Variants in ABCB5 observed in about 807,000 individuals in gnomAD.
ABCB5 encodes ATP-binding cassette sub-family B member 5.
Under a neutral mutation model 144.2 loss-of-function variants are expected in ABCB5, and 155 were observed. The observed-to-expected ratio is 1.08, with a 90% CI of 0.94 to 1.23. The LOEUF (loss-of-function observed/expected upper bound fraction) is 1.23, where lower values mean the gene tolerates loss of function less well. ABCB5 is among the 50% of genes most tolerant of loss of function. The pLI is 0.00. For missense variants in ABCB5, 1,830 were observed against 1,520.8 expected (o/e 1.20, Z -3.38); for synonymous variants, 610 against 528.6 (o/e 1.15, Z -2.11).
At chr7:20,728,196 A>G in intron 22 of ABCB5, 119 bp from the exon 23 acceptor site, 1 of 1,257,614 alleles carries the variant, frequency 8.0e-7, no homozygotes, top group South Asian at 1.7e-5. Context: ...ATCATTCGAA[A>G]AATGCCTTTC....
chr7:20,621,499 C>G (rs79207698), intron 1 of ABCB5, among the ~76,000 whole-genome samples: 16,539 of 152,062 alleles, frequency 0.11, 1,209 homozygotes, highest in Non-Finnish European at 0.15. Flanking sequence ...AGTAAGACTA[C>G]GGTCTAGAGT....
chr7:20,654,955 A>T (rs1013878778), intron 13 of ABCB5, among the ~76,000 whole-genome samples: 42 of 152,168 alleles, frequency 2.8e-4, no homozygotes, highest in Admixed American at 4.6e-4. Context: ...AACAAGCAAG[A>T]CTAAGTAAAT....
At chr7:20,645,645 C>T (rs1426875151) in intron 7 of ABCB5, 111 bp from the exon 8 acceptor site, 5 of 1,337,562 alleles carry the variant, frequency 3.7e-6, no homozygotes, top group Non-Finnish European at 5.1e-6. Flanking sequence ...GAGATAAAGT[C>T]TAAAAAAATA....
At chr7:20,659,228 T>G (rs1784916175) in intron 14 of ABCB5, 3 of 1,570,286 alleles carry the variant, frequency 1.9e-6, no homozygotes, top group Admixed American at 3.6e-5. Context: ...GTTGTGGCCC[T>G]GCACCAAATT....
intron 27 of ABCB5, 115 bp from the exon 28 acceptor site, chr7:20,755,312 T>C: frequency 1.2e-6 from 1 of 842,620 alleles, no homozygotes; most frequent in Non-Finnish European, 1.9e-6. Flanking sequence ...GCAGTTCCTT[T>C]GGGGACAAGC....
At chr7:20,659,288 A>G in intron 14 of ABCB5, 1 of 1,451,894 alleles carries the variant, frequency 6.9e-7, no homozygotes, top group South Asian at 1.5e-5. Flanking sequence ...AAAACCATTG[A>G]ACAGTTTTCT....
rs554048713 is a variant in ABCB5, at chr7:20,694,258, A to G, written c.2011-4149A>G. Among the ~76,000 whole-genome samples, 8 of 152,174 alleles carry G rather than the reference A, an allele frequency of 5.3e-5. No individual in the cohort carries two copies. The South Asian group carries it at 1.7e-3, about 32-fold the overall frequency. ...TGTAACAAATCTAATCCAACCATAT[A>G]GAAAAAGAATAATATATCATCACCA... is the stretch of plus-strand genomic sequence containing the variant. On this transcript the variant is annotated intron_variant, in intron 16 of 27. Coordinates refer to ENST00000404938, the MANE Select transcript of ABCB5 (RefSeq NM_001163941.2).
intron 20 of ABCB5, among the ~76,000 whole-genome samples, chr7:20,718,863 G>A (rs1452279577): frequency 6.6e-6 from 1 of 152,088 alleles, no homozygotes; most frequent in Non-Finnish European, 1.5e-5. Context: ...ACCTTTTAAG[G>A]TGTAATTCCA....
intron 23 of ABCB5, among the ~76,000 whole-genome samples, chr7:20,733,101 A>C (rs1377684293): frequency 6.6e-6 from 1 of 152,180 alleles, no homozygotes; most frequent in African/African-American, 2.4e-5. Context: ...TAACTTGCTC[A>C]AAGTTACATA....
chr7:20,623,339 G>T lies in ABCB5; in HGVS notation c.53+1G>T. 6.5e-7 allele frequency: 1 copy of T among 1,548,180 alleles called. No individual in the cohort carries two copies. Among genetic ancestry groups the T allele is most frequent in the Non-Finnish European group, 8.7e-7 (1 of 1,143,282 alleles). The stretch of plus-strand genomic sequence containing the variant: ...TGCAAGAAAATTATCAGAGAAATGG[G>T]TAAGCTCTCACTAAGTTCTGTAAGT... On this transcript the variant is annotated splice_donor_variant, in intron 2 of 27. Transcript: ENST00000404938. LOFTEE classifies it high-confidence loss of function.
intron 4 of ABCB5, among the ~76,000 whole-genome samples, chr7:20,629,423 C>A (rs79469415): frequency 3.9e-5 from 6 of 152,148 alleles, no homozygotes; most frequent in Non-Finnish European, 2.9e-5. Context: ...TTTAATCAAA[C>A]GCTTGGGCCA....
At chr7:20,711,426 A>C (rs1787027428) in intron 20 of ABCB5, among the ~76,000 whole-genome samples, 1 of 147,500 alleles carries the variant, frequency 6.8e-6, no homozygotes, top group Non-Finnish European at 1.5e-5. Flanking sequence ...ACCAGTTATG[A>C]AATTTGAGGT....
In ABCB5 at chr7:20,626,464, G is replaced by A. The variant is rs1583375708; in HGVS notation, c.54-93G>A. 5 of 1,043,568 alleles carry A rather than the reference G, an allele frequency of 4.8e-6. No homozygotes were observed. The East Asian group carries it at 1.1e-4, about 23-fold the overall frequency. The allele number at this position is 1,043,568 out of a possible 1,614,324, so 64.6% of individuals were successfully genotyped here. Reference sequence around the variant, plus strand: ...GTGTTGGTATAAATTTGCTACCAAGGTGATATCTGACACTTCTGCAAACTA... The same window carrying A: ...GTGTTGGTATAAATTTGCTACCAAGATGATATCTGACACTTCTGCAAACTA... On this transcript the variant is annotated intron_variant, in intron 2 of 27. Transcript: ENST00000404938.
intron 13 of ABCB5, among the ~76,000 whole-genome samples, chr7:20,655,114 G>A (rs1411601440): frequency 6.6e-6 from 1 of 151,832 alleles, no homozygotes; most frequent in Non-Finnish European, 1.5e-5. Context: ...GAGATGGCCA[G>A]TATCAGGAAT....
rs186609579 is a variant in ABCB5, at chr7:20,695,502, G to A, written c.2011-2905G>A. Among the ~76,000 whole-genome samples the A allele has an allele frequency of 7.2e-4, 110 of 151,968 alleles. 1 individual carries two copies. The Middle Eastern group carries it at 0.01, about 14-fold the overall frequency. The stretch of plus-strand genomic sequence containing the variant: ...AATAAAAAAATCTTCACGACTTTGT[G>A]TTAAGCAAAGATCTCCTAAATATAA... On this transcript the variant is annotated intron_variant, in intron 16 of 27. Coordinates refer to ENST00000404938, the MANE Select transcript of ABCB5 (RefSeq NM_001163941.2).
intron 5 of ABCB5, among the ~76,000 whole-genome samples, chr7:20,634,016 C>T (rs1245681925): frequency 6.6e-6 from 1 of 151,982 alleles, no homozygotes; most frequent in Non-Finnish European, 1.5e-5. Context: ...CTCTTACACC[C>T]CCTTTTACCC....
At chr7:20,710,247 A>C (rs1786981482) in intron 20 of ABCB5, among the ~76,000 whole-genome samples, 1 of 145,152 alleles carries the variant, frequency 6.9e-6, no homozygotes, top group Non-Finnish European at 1.5e-5. Context: ...GGCATCTATA[A>C]TCCCAGCTAC....
In ABCB5 at chr7:20,689,462, T is replaced by C. The variant is rs532572103; in HGVS notation, c.2010+3626T>C. 3.3e-5 allele frequency among the ~76,000 whole-genome samples: 5 copies of C among 152,300 alleles called. No homozygotes were observed. In the East Asian group the frequency reaches 5.8e-4, roughly 18 times the overall value. Reference sequence around the variant, plus strand: ...ACTGAGCACTACTGGAACAAGAAGCTAGCCAAGATTGTCATCTGCAGGAGT... The same window carrying C: ...ACTGAGCACTACTGGAACAAGAAGCCAGCCAAGATTGTCATCTGCAGGAGT... On this transcript the variant is annotated intron_variant, in intron 16 of 27. Transcript: ENST00000404938.
intron 20 of ABCB5, among the ~76,000 whole-genome samples, chr7:20,717,301 A>T (rs1781704798): frequency 6.6e-6 from 1 of 152,118 alleles, no homozygotes; most frequent in South Asian, 2.1e-4. Flanking sequence ...ACAGTTCTGG[A>T]AGCTAGAAGC....
Sources: gnomAD v4.1 joint callset for allele counts (sites outside exome capture counted in the v4.1 genomes callset) on GRCh38, gnomAD v4.1.1 for gene constraint, MANE v1.5 for transcripts, NCBI Gene and HGNC (gene_info 2026-07-23, HGNC 2026-07-21) for gene names.